The following RPS3 variants were observed in gnomAD, a reference collection of about 807,000 sequenced individuals.
RPS3 encodes the protein small ribosomal subunit protein uS3.
Under a neutral mutation model 25.8 loss-of-function variants are expected in RPS3, and 2 were observed. The observed-to-expected ratio is 0.08, with a 90% confidence interval of 0.03 to 0.24. RPS3 has a LOEUF of 0.24. Ranked by LOEUF, RPS3 falls within the 10% of genes least tolerant of loss-of-function variation. RPS3 has a pLI of 1.00. For synonymous variants in RPS3, 114 were observed against 114.2 expected (o/e 1.00, Z 0.01); for missense variants, 107 against 307.1 (o/e 0.35, Z 4.87).
intron 6 of RPS3, among the ~76,000 whole-genome samples, chr11:75,418,959 G>GC (rs371475538): frequency 6.6e-6 from 1 of 152,276 alleles, no homozygotes; most frequent in East Asian, 1.9e-4. Flanking sequence ...TGGACTCTGA[G>GC]CCCCCCAGTT....
intron 6 of RPS3, among the ~76,000 whole-genome samples, chr11:75,416,268 G>A (rs1226353316): frequency 6.6e-6 from 1 of 152,046 alleles, no homozygotes; most frequent in Non-Finnish European, 1.5e-5. Context: ...TATCCTCTTG[G>A]ATTTTAATAC....
chr11:75,401,481 C>A (rs1792977257), intron 2 of RPS3, among the ~76,000 whole-genome samples, 159 bp from the exon 3 acceptor site: 1 of 151,790 alleles, frequency 6.6e-6, no homozygotes, highest in Non-Finnish European at 1.5e-5. Flanking sequence ...CAGAGTGAGA[C>A]CCTGTCTCAA....
At position 75,402,651 on chromosome 11, in the gene RPS3, G is replaced by T. The variant is rs576894695; in HGVS notation, c.350+205G>T. The T allele has an allele frequency of 6.8e-4, 306 of 450,532 alleles. 1 individual carries two copies. Among genetic ancestry groups the T allele is most frequent in the Non-Finnish European group, 1.1e-3 (281 of 251,810 alleles). The allele number at this position is 450,532 out of a possible 1,614,324, so 27.9% of individuals were successfully genotyped here. On this transcript the variant is annotated intron_variant, in intron 4 of 6. Coordinates refer to ENST00000531188, the MANE Select transcript of RPS3 (RefSeq NM_001005.5). Reference sequence around the variant, plus strand: ...CAGCAAGAACTGTAAAGGGTGGTCAGTCCTGTAATGGAGAAGTGTTCTGGG... The same window carrying T: ...CAGCAAGAACTGTAAAGGGTGGTCATTCCTGTAATGGAGAAGTGTTCTGGG...
downstream of RPS3, among the ~76,000 whole-genome samples, chr11:75,408,730 G>A (rs1461231469): frequency 6.6e-6 from 1 of 152,144 alleles, no homozygotes; most frequent in Non-Finnish European, 1.5e-5. Flanking sequence ...ATTTTTAGTA[G>A]AGACAGGGTT....
chr11:75,412,721 T>A (rs191503279), intron 6 of RPS3, among the ~76,000 whole-genome samples: 2 of 152,230 alleles, frequency 1.3e-5, no homozygotes, highest in African/African-American at 4.8e-5. Context: ...GCTTCAGATA[T>A]AAAATCTGAT....
downstream of RPS3, among the ~76,000 whole-genome samples, chr11:75,407,781 T>A (rs746513220): frequency 1.5e-4 from 23 of 152,196 alleles, no homozygotes; most frequent in Admixed American, 4.6e-4. Flanking sequence ...ATCTGCAGAT[T>A]AAGTGCTGGG....
At chr11:75,400,893 A>T (rs976687342) in intron 2 of RPS3, 69 bp downstream of exon 2, 18 of 1,515,568 alleles carry the variant, frequency 1.2e-5, no homozygotes, top group African/African-American at 4.2e-5. Flanking sequence ...TTATTTATTT[A>T]TTTTTTTGAG....
intron 4 of RPS3, chr11:75,403,605 AG>A (rs2135055186): frequency 6.4e-6 from 1 of 155,698 alleles, no homozygotes; most frequent in African/African-American, 2.4e-5. Context: ...GAGTATTTCA[AG>A]GGACCACAAA....
Position 75,404,372 on chromosome 11 carries a change from C to G in RPS3, c.538+165C>G. On this transcript the variant is annotated intron_variant, in intron 5 of 6. Coordinates refer to ENST00000531188, the MANE Select transcript of RPS3 (RefSeq NM_001005.5). This position sits in a 1 kb window ranked among gnomAD's most constrained non-coding sequence, Gnocchi z 4.6. ...TCTGTAAGAATCGATTTGCTGAGATCTGTCAGATCCAAGAGTTGGTTTGTC... is the reference window on the plus strand; with the variant it reads ...TCTGTAAGAATCGATTTGCTGAGATGTGTCAGATCCAAGAGTTGGTTTGTC... 1 of 810,858 alleles carries G rather than the reference C, an allele frequency of 1.2e-6. No homozygotes were observed. Among genetic ancestry groups the G allele is most frequent in the Non-Finnish European group, 2.1e-6 (1 of 465,426 alleles). The allele number at this position is 810,858 out of a possible 1,614,324, so 50.2% of individuals were successfully genotyped here. A position where few individuals can be genotyped will look rare whatever the true frequency, so the allele number is the denominator to read the frequency against.
intron 1 of RPS3, chr11:75,399,952 G>C (rs1948180663): frequency 3.0e-6 from 1 of 330,946 alleles, no homozygotes; most frequent in Non-Finnish European, 5.6e-6. Context: ...TGCCTTAACT[G>C]GTCGTTTCTG....
In RPS3 at chr11:75,404,866, C is replaced by T. The variant is rs374596699; in HGVS notation, c.*1C>T. 1.3e-6 allele frequency: 2 copies of T among 1,597,104 alleles called. No homozygotes were observed. Among genetic ancestry groups the T allele is most frequent in the Non-Finnish European group, 8.6e-7 (1 of 1,168,820 alleles). On this transcript the variant is annotated splice_region_variant and 3_prime_UTR_variant, in exon 6 of 7. Transcript: ENST00000531188. The surrounding 1 kb of genome is among the most constrained non-coding windows in gnomAD (Gnocchi z 4.6). ...GCCCCAGCCAGTCCCCACAGCATAA[C>T]AGGTATGTCTGCAAGGGCAGGGGCC...
At chr11:75,414,606 CAAAAAA>C (rs11362367) in intron 6 of RPS3, among the ~76,000 whole-genome samples, 1 of 144,490 alleles carries the variant, frequency 6.9e-6, no homozygotes, top group South Asian at 2.2e-4. Flanking sequence ...GCGAGACTCT[CAAAAAA>C]AAAAAAAATT....
chr11:75,400,260 A>G, intron 1 of RPS3: 1 of 427,452 alleles, frequency 2.3e-6, no homozygotes, highest in South Asian at 1.8e-5. Context: ...TCTACAAGTG[A>G]GAGAGCTTAT....
In RPS3 at chr11:75,403,758, G is replaced by GT. The variant is rs890258343; in HGVS notation, c.351-256dup. On this transcript the variant is annotated intron_variant, in intron 4 of 6. Transcript: ENST00000531188. Reference sequence around the variant, plus strand: ...GGGCCTAGATGTCAGGGTTTCTTTTGTTTTTTATTTTAGCCTTCTGAGGTG... The same window carrying GT: ...GGGCCTAGATGTCAGGGTTTCTTTTGTTTTTTTATTTTAGCCTTCTGAGGTG... The GT allele has an allele frequency of 6.4e-5, 23 of 358,434 alleles. No homozygotes were observed. The Admixed American group carries it at 8.2e-4, about 13-fold the overall frequency. 22.2% of individuals were successfully genotyped at this position (358,434 alleles called of 1,614,324 possible).
chr11:75,400,801 A>G lies in RPS3; in HGVS notation c.138A>G (p.Thr46=). The G allele has an allele frequency of 1.2e-6, 2 of 1,612,442 alleles. No individual in the cohort carries two copies. The highest frequency in any genetic ancestry group is 2.7e-5 in the African/African-American group (2 of 75,022). Reference sequence around the variant, plus strand: ...AGGTGCGAGTTACACCAACCAGGACAGAAATCATTATCTTAGCCACCAGGT... The same window carrying G: ...AGGTGCGAGTTACACCAACCAGGACGGAAATCATTATCTTAGCCACCAGGT... ...GVEVRVTPTR[T]EIIILATRTQ... Residue 46 remains threonine, a synonymous_variant, in exon 2 of 7, where the codon ACA becomes ACG. Coordinates refer to ENST00000531188, the MANE Select transcript of RPS3 (RefSeq NM_001005.5).
At chr11:75,405,026 T>A in intron 6 of RPS3, 158 bp downstream of exon 6, 1 of 534,354 alleles carries the variant, frequency 1.9e-6, no homozygotes, top group Non-Finnish European at 3.3e-6. Context: ...TGGGGTCTAT[T>A]TAACCCTTGG....
rs1948286812 is a variant in RPS3, at chr11:75,406,279, C to T, written c.*669C>T. On this transcript the variant is annotated 3_prime_UTR_variant, in exon 7 of 7. Coordinates refer to ENST00000531188, the MANE Select transcript of RPS3 (RefSeq NM_001005.5). ...ATCTATCAATGTTTTGAAGTATTTT[C>T]TACCAGTGTCTGTACTTCACAAGAA... 1 of 152,224 alleles carries T rather than the reference C, an allele frequency of 6.6e-6. No homozygotes were observed. Among genetic ancestry groups the T allele is most frequent in the Non-Finnish European group, 1.5e-5 (1 of 68,038 alleles). 9.4% of individuals were successfully genotyped at this position (152,224 alleles called of 1,614,324 possible). A position where few individuals can be genotyped will look rare whatever the true frequency, so the allele number is the denominator to read the frequency against.
chr11:75,410,161 G>T (rs1343959464), downstream of RPS3, among the ~76,000 whole-genome samples: 3 of 151,420 alleles, frequency 2.0e-5, no homozygotes, highest in Admixed American at 2.0e-4. Context: ...TGGCCGGGCG[G>T]GGGGCTGACC....
rs762736053 is a variant in RPS3 at position 75,400,769 on chromosome 11, G to A, written c.106G>A (p.Gly36Arg). ...GGAGCTGGCTGAAGATGGCTACTCT[G>A]GAGTTGAGGTGCGAGTTACACCAAC... is the stretch of plus-strand genomic sequence containing the variant. The part of the protein sequence containing the change: ...TRELAEDGYS[G>R]VEVRVTPTRT... Residue 36 changes from glycine (G) to arginine (R), a missense_variant, in exon 2 of 7, where the codon GGA becomes AGA. Gly to Arg is a moderately radical substitution (Grantham distance 125). This residue lies in a region of RPS3 where 81 missense variants were observed against 286.8 expected (regional missense o/e 0.28). Transcript: ENST00000531188. 7 of 1,613,018 alleles carry A rather than the reference G, an allele frequency of 4.3e-6. No homozygotes were observed. The highest frequency in any genetic ancestry group is 2.5e-6 in the Non-Finnish European group (3 of 1,179,876).
Sources: allele counts gnomAD v4.1 joint callset (sites outside exome capture counted in the v4.1 genomes callset), GRCh38; gene constraint gnomAD v4.1.1; regional missense constraint gnomAD v4.1.1; non-coding constraint Gnocchi (gnomAD v3.1); transcripts MANE v1.5; gene names NCBI Gene and HGNC (gene_info 2026-07-23, HGNC 2026-07-21).